CNGB3: variants seen among roughly 807,000 people sequenced by gnomAD.
CNGB3 encodes the protein cyclic nucleotide-gated channel beta-3.
Under a neutral mutation model 92.8 loss-of-function variants are expected in CNGB3, and 86 were observed. The observed-to-expected ratio is 0.93, with a 90% confidence interval of 0.78 to 1.11. The LOEUF is 1.11. Ranked by LOEUF, CNGB3 falls within the 50% of genes least tolerant of loss-of-function variation. The pLI, the probability that CNGB3 is intolerant of heterozygous loss-of-function variation, is 0.00. For missense variants in CNGB3, 1,026 were observed against 956.8 expected (o/e 1.07, Z -0.95); for synonymous variants, 333 against 332.7 (o/e 1.00, Z -0.01).
rs1409952293 is a variant in CNGB3 at position 86,588,821 on chromosome 8, C to T, written c.1782-9569G>A. 3.0e-4 allele frequency among the ~76,000 whole-genome samples: 46 copies of T among 151,484 alleles called. No homozygotes were observed. In the South Asian group the frequency reaches 4.4e-3, roughly 14 times the overall value. The stretch of plus-strand genomic sequence containing the variant: ...TCTCTTTTTTGTTTGTGTCTCTGCC[C>T]GGCTTTGGTATCAGAATGATGCTGG... On this transcript the variant is annotated intron_variant, in intron 15 of 17. Transcript: ENST00000320005.
At chr8:86,733,132 C>T (rs368829718) in intron 2 of CNGB3, among the ~76,000 whole-genome samples, 2 of 152,052 alleles carry the variant, frequency 1.3e-5, no homozygotes, top group African/African-American at 4.8e-5. Context: ...TCTATTGTTC[C>T]CATCTTTATG....
chr8:86,699,951 C>G (rs2131646002), intron 3 of CNGB3, among the ~76,000 whole-genome samples: 1 of 152,208 alleles, frequency 6.6e-6, no homozygotes, highest in South Asian at 2.1e-4. Context: ...TCCAATCTCT[C>G]TTTCTTTCTT....
Position 86,621,534 on chromosome 8 carries a change from C to A in CNGB3, c.1578+4449G>T, listed in dbSNP as rs949283223. ...TGGTTTTTGGTTACACAGATACGTT[C>A]TTTAGTGGTGATTTCTGAGATTTTG... On this transcript the variant is annotated intron_variant, in intron 13 of 17. Coordinates refer to ENST00000320005, the MANE Select transcript of CNGB3 (RefSeq NM_019098.5). Among the ~76,000 whole-genome samples, 3 of 151,936 alleles carry A rather than the reference C, an allele frequency of 2.0e-5. 1 individual carries two copies. The highest frequency in any genetic ancestry group is 1.5e-5 in the Non-Finnish European group (1 of 67,986).
chr8:86,605,643 GA>G (rs1159803489), intron 14 of CNGB3, among the ~76,000 whole-genome samples: 2 of 151,998 alleles, frequency 1.3e-5, no homozygotes, highest in African/African-American at 4.8e-5. Flanking sequence ...TTCTTTGGAA[GA>G]AAAAAATATT....
At chr8:86,616,848 G>A (rs1822631571) in intron 13 of CNGB3, among the ~76,000 whole-genome samples, 1 of 152,116 alleles carries the variant, frequency 6.6e-6, no homozygotes, top group Admixed American at 6.5e-5. Flanking sequence ...TCACACATGC[G>A]GTAGGTATTG....
chr8:86,734,808 A>G (rs1487879558), intron 2 of CNGB3, among the ~76,000 whole-genome samples: 2 of 152,168 alleles, frequency 1.3e-5, no homozygotes, highest in Non-Finnish European at 2.9e-5. Context: ...AATGCTCCTC[A>G]TTTATGCTAT....
At chr8:86,694,080 A>ACC (rs71275874) in intron 3 of CNGB3, among the ~76,000 whole-genome samples, 18,023 of 105,454 alleles carry the variant, frequency 0.17, 1,970 homozygotes, top group South Asian at 0.28. Context: ...GGGGGGGCTG[A>ACC]CCCCCCCACC....
At chr8:86,732,500 A>G (rs1048482265) in intron 2 of CNGB3, among the ~76,000 whole-genome samples, 2 of 152,224 alleles carry the variant, frequency 1.3e-5, no homozygotes, top group Non-Finnish European at 2.9e-5. Flanking sequence ...AAATGAAGCC[A>G]TATTCACTGA....
intron 6 of CNGB3, chr8:86,658,874 C>T (rs1342268785): frequency 1.4e-6 from 1 of 708,130 alleles, no homozygotes; most frequent in African/African-American, 1.7e-5. Context: ...GCCTGTGCAC[C>T]TCCACCTGCT....
chr8:86,629,108 C>A, intron 11 of CNGB3, 30 bp from the exon 12 acceptor site: 1 of 1,613,382 alleles, frequency 6.2e-7, no homozygotes, highest in Non-Finnish European at 8.5e-7. Flanking sequence ...CACTCCACGC[C>A]CAGCAGAGGA....
intron 6 of CNGB3, chr8:86,661,610 C>G (rs1358314052): frequency 2.5e-6 from 2 of 796,056 alleles, no homozygotes; most frequent in African/African-American, 1.7e-5. Flanking sequence ...CTTTTTCCCA[C>G]TAATAAGTTC....
At chr8:86,720,205 C>T (rs562402444) in intron 3 of CNGB3, among the ~76,000 whole-genome samples, 85 of 152,264 alleles carry the variant, frequency 5.6e-4, no homozygotes, top group South Asian at 1.9e-3. Context: ...GCAGAGTTAA[C>T]AGACAACCCA....
intron 6 of CNGB3, chr8:86,657,985 C>T (rs1216722271): frequency 3.7e-6 from 2 of 546,252 alleles, no homozygotes; most frequent in Admixed American, 2.0e-5. Context: ...CAGCTGGATG[C>T]AGCGACGTTC....
At chr8:86,739,245 C>T (rs1825297758) in intron 2 of CNGB3, among the ~76,000 whole-genome samples, 1 of 152,124 alleles carries the variant, frequency 6.6e-6, no homozygotes, top group Non-Finnish European at 1.5e-5. Context: ...GGTGTGAGTG[C>T]TAAACCTTTA....
chr8:86,617,415 G>C (rs992318753), intron 13 of CNGB3, among the ~76,000 whole-genome samples: 5 of 152,234 alleles, frequency 3.3e-5, no homozygotes, highest in African/African-American at 9.6e-5. Context: ...ATTACAAAAA[G>C]ACGTGCTTTG....
chr8:86,625,091 C>A (rs1822820143), intron 13 of CNGB3, among the ~76,000 whole-genome samples: 1 of 152,150 alleles, frequency 6.6e-6, no homozygotes, highest in Non-Finnish European at 1.5e-5. Context: ...GTACAGCCTG[C>A]AGAACCATGA....
intron 6 of CNGB3, among the ~76,000 whole-genome samples, chr8:86,656,074 T>A (rs1332740293): frequency 1.3e-5 from 2 of 152,250 alleles, no homozygotes; most frequent in African/African-American, 4.8e-5. Flanking sequence ...ATACATGTAC[T>A]AAATTTTACA....
At chr8:86,675,179 C>T (rs1250459160) in intron 3 of CNGB3, among the ~76,000 whole-genome samples, 1 of 152,078 alleles carries the variant, frequency 6.6e-6, no homozygotes, top group African/African-American at 2.4e-5. Flanking sequence ...CTAGGTTGGT[C>T]TAGAACTCCT....
At chr8:86,622,690 C>G (rs1005799197) in intron 13 of CNGB3, among the ~76,000 whole-genome samples, 2 of 152,354 alleles carry the variant, frequency 1.3e-5, no homozygotes, top group South Asian at 4.1e-4. Flanking sequence ...CCTGGGATTA[C>G]TGGCATAAGC....
Sources: gnomAD v4.1 joint callset for allele counts (sites outside exome capture counted in the v4.1 genomes callset) on GRCh38, gnomAD v4.1.1 for gene constraint, MANE v1.5 for transcripts, NCBI Gene and HGNC (gene_info 2026-07-23, HGNC 2026-07-21) for gene names.